The following VWA3B variants were observed in gnomAD, a reference collection of about 807,000 sequenced individuals.
VWA3B encodes von Willebrand factor A domain containing 3B.
VWA3B carries 138 observed loss-of-function variants against 158.3 expected under a neutral mutation model. The observed-to-expected ratio is 0.87, with a 90% confidence interval of 0.76 to 1.00. The LOEUF (loss-of-function observed/expected upper bound fraction) is 1.00. VWA3B is among the 50% of genes least tolerant of loss of function. The probability of loss-of-function intolerance (pLI) is 0.00; values close to 1 mark genes in which losing one functional copy is unlikely to be tolerated. For synonymous variants in VWA3B, 596 were observed against 587.3 expected (o/e 1.01, Z -0.21); for missense variants, 1,555 against 1,565.1 (o/e 0.99, Z 0.11).
At chr2:98,120,501 T>C (rs2104963597) in intron 4 of VWA3B, among the ~76,000 whole-genome samples, 1 of 152,340 alleles carries the variant, frequency 6.6e-6, no homozygotes, top group African/African-American at 2.4e-5. Context: ...AATCAAGTGC[T>C]TAAGTCTGCA....
Position 98,250,334 on chromosome 2 carries a change from A to G in VWA3B, c.2690A>G (p.His897Arg), listed in dbSNP as rs1426371931. 3.7e-6 allele frequency: 6 copies of G among 1,612,548 alleles called. No individual in the cohort carries two copies. The highest frequency in any genetic ancestry group is 1.6e-4 in the Middle Eastern group (1 of 6,082). The change falls in exon 20 of 28, where the codon CAT becomes CGT. Residue 897 changes from histidine (H) to arginine (R), a missense_variant. Transcript: ENST00000477737. ...GACATGCAGGTGTTCCCTCTGGCAC[A>G]TGTGTGCAACGACACAAATAAGATG... is the stretch of plus-strand genomic sequence containing the variant. ...KVFDEVFPLA[H>R]VCNDTNKMTL... is the part of the protein sequence containing the mutation.
chr2:98,210,681 G>A (rs929534468), intron 12 of VWA3B, among the ~76,000 whole-genome samples: 2 of 152,132 alleles, frequency 1.3e-5, no homozygotes, highest in Admixed American at 1.3e-4. Context: ...GTGGGGTGGG[G>A]GCTGGATGTG....
In VWA3B at chr2:98,245,389, C is replaced by A. The variant is rs151327011; in HGVS notation, c.2674-4929C>A. ...CTCATAGTCACACTAAATTTGACAT[C>A]ATAAAGAAAACATTTCCTGTGATCT... On this transcript the variant is annotated intron_variant, in intron 19 of 27. Transcript: ENST00000477737. 3.9e-3 allele frequency: 1,447 copies of A among 369,700 alleles called. 21 individuals carry two copies. Among genetic ancestry groups the A allele is most frequent in the African/African-American group, 0.028 (1,311 of 47,184 alleles). 22.9% of individuals were successfully genotyped at this position (369,700 alleles called of 1,614,324 possible).
intron 2 of VWA3B, among the ~76,000 whole-genome samples, chr2:98,112,180 A>C (rs1674182614): frequency 6.6e-6 from 1 of 151,750 alleles, no homozygotes. Context: ...TCCTTTCCTC[A>C]TTGCTTATTT....
chr2:98,311,762 C>T, intron 26 of VWA3B, 57 bp from the exon 27 acceptor site: 1 of 1,478,796 alleles, frequency 6.8e-7, no homozygotes, highest in Non-Finnish European at 9.0e-7. Flanking sequence ...GCTTGGACAT[C>T]TCTGTAGACC....
intron 12 of VWA3B, among the ~76,000 whole-genome samples, chr2:98,196,586 C>T (rs1026126706): frequency 6.6e-6 from 1 of 152,058 alleles, no homozygotes; most frequent in African/African-American, 2.4e-5. Context: ...AAGCTGTGGC[C>T]GCGCCTGCCC....
At chr2:98,132,969 T>G (rs962654814) in intron 6 of VWA3B, among the ~76,000 whole-genome samples, 3 of 152,192 alleles carry the variant, frequency 2.0e-5, no homozygotes, top group African/African-American at 4.8e-5. Context: ...GAGTTGAGTG[T>G]GTGGTGCTAG....
At chr2:98,329,610 C>T in the VWA3B span, among the ~76,000 whole-genome samples, 1 of 151,948 alleles carries the variant, frequency 6.6e-6, no homozygotes, top group South Asian at 2.1e-4. Flanking sequence ...ATGGTAGTCA[C>T]CAGGAAAAAC....
chr2:98,174,448 C>A (rs1679842869), intron 8 of VWA3B, among the ~76,000 whole-genome samples: 1 of 152,192 alleles, frequency 6.6e-6, no homozygotes, highest in Non-Finnish European at 1.5e-5. Flanking sequence ...AGTTACAAAG[C>A]TTTCTTTATT....
chr2:98,106,396 TG>T (rs1403877091), intron 2 of VWA3B, among the ~76,000 whole-genome samples: 2 of 152,214 alleles, frequency 1.3e-5, no homozygotes, highest in African/African-American at 4.8e-5. Context: ...AGAATAACTG[TG>T]TTCATGTCTA....
rs1270769704 is a variant in VWA3B at position 98,228,265 on chromosome 2, C to T, written c.2083C>T (p.Gln695Ter). 3.1e-6 allele frequency: 5 copies of T among 1,614,062 alleles called. No homozygotes were observed. The Admixed American group carries it at 6.7e-5, about 22-fold the overall frequency. The change falls in exon 15 of 28, where the codon CAA becomes TAA. Residue 695 changes from glutamine to a stop codon, truncating the protein, a stop_gained. Coordinates refer to ENST00000477737, the MANE Select transcript of VWA3B (RefSeq NM_144992.5). LOFTEE classifies it high-confidence loss of function. ...EQGHSDLEKMQDLYSESLIMD... is the reference protein window; with the variant it reads ...EQGHSDLEKM ...GGGTCACAGTGATCTGGAGAAGATG[C>T]AAGACCTTTATTCTGAGTCCTTGAT...
intron 19 of VWA3B, chr2:98,245,685 T>TTGG: frequency 4.5e-6 from 2 of 446,402 alleles, no homozygotes; most frequent in Non-Finnish European, 9.0e-6. Flanking sequence ...ATAATGTTGC[T>TTGG]TAGTGGTATT....
At chr2:98,150,606 G>C (rs1192580109) in intron 7 of VWA3B, among the ~76,000 whole-genome samples, 1 of 152,186 alleles carries the variant, frequency 6.6e-6, no homozygotes, top group Admixed American at 6.5e-5. Context: ...TGGCTTGGTG[G>C]TGTCTAAAGA....
At chr2:98,169,828 A>T (rs950710527) in intron 8 of VWA3B, among the ~76,000 whole-genome samples, 6 of 151,174 alleles carry the variant, frequency 4.0e-5, no homozygotes, top group Non-Finnish European at 7.4e-5. Flanking sequence ...ACGTTAAAGG[A>T]TTTGTCCAGG....
At position 98,297,995 on chromosome 2, in the gene VWA3B, G is replaced by A. The variant is rs887946666; in HGVS notation, c.3246G>A (p.Thr1082=). 10 of 1,584,632 alleles carry A rather than the reference G, an allele frequency of 6.3e-6. No homozygotes were observed. The highest frequency in any genetic ancestry group is 1.2e-5 in the South Asian group (1 of 86,844). ...DTKVVSTSFI[T]PVGGAMPCPL... ...AGGTCGTGTCCACCTCCTTCATCAC[G>A]CCTGTGGGGGGCGCCATGCCCTGCC... is the stretch of plus-strand genomic sequence containing the variant. The change falls in exon 24 of 28, where the codon ACG becomes ACA. Residue 1082 remains threonine (T), a synonymous_variant. Coordinates refer to ENST00000477737, the MANE Select transcript of VWA3B (RefSeq NM_144992.5).
chr2:98,095,395 A>T (rs576222235), intron 2 of VWA3B, among the ~76,000 whole-genome samples: 2 of 152,210 alleles, frequency 1.3e-5, no homozygotes, highest in East Asian at 3.9e-4. Context: ...TTGTAAATGG[A>T]ATGGTTTCCT....
At chr2:98,129,395 G>C (rs1675678132) in intron 6 of VWA3B, among the ~76,000 whole-genome samples, 1 of 151,992 alleles carries the variant, frequency 6.6e-6, no homozygotes, top group Admixed American at 6.5e-5. Flanking sequence ...CGCACTCACT[G>C]GTGTCTCTTC....
intron 20 of VWA3B, among the ~76,000 whole-genome samples, chr2:98,251,359 T>A (rs1686790010): frequency 6.6e-6 from 1 of 152,142 alleles, no homozygotes; most frequent in Admixed American, 6.5e-5. Context: ...AATGAGATAA[T>A]GGAAATAACG....
intron 2 of VWA3B, among the ~76,000 whole-genome samples, chr2:98,113,860 A>G (rs1347705729): frequency 6.6e-6 from 1 of 152,114 alleles, no homozygotes; most frequent in African/African-American, 2.4e-5. Context: ...TTTTGCGACC[A>G]TATGTATTCC....
Sources: allele counts gnomAD v4.1 joint callset (sites outside exome capture counted in the v4.1 genomes callset), GRCh38; gene constraint gnomAD v4.1.1; transcripts MANE v1.5; gene names NCBI Gene and HGNC (gene_info 2026-07-23, HGNC 2026-07-21).